The following WDR27 variants were observed in gnomAD, a reference collection of about 807,000 sequenced individuals.
WDR27 encodes the protein WD repeat-containing protein 27.
Under a neutral mutation model 114.4 loss-of-function variants are expected in WDR27, and 100 were observed. The observed-to-expected ratio is 0.87, with a 90% CI of 0.74 to 1.03. The LOEUF (loss-of-function observed/expected upper bound fraction) is 1.03, where lower values mean the gene tolerates loss of function less well. Among genes scored for constraint, WDR27 ranks in the 50% least tolerant of loss-of-function variants. WDR27 has a pLI of 0.00. For synonymous variants in WDR27, 449 were observed against 423.1 expected, an observed-to-expected ratio of 1.06 and a Z score of -0.75; for missense variants, 1,129 against 1,092.9, an observed-to-expected ratio of 1.03 and a Z score of -0.47.
rs200804305 is a variant in WDR27 at position 169,670,635 on chromosome 6, C to T, written c.390G>A (p.Gln130=). 4 of 1,614,008 alleles carry T rather than the reference C, an allele frequency of 2.5e-6. No homozygotes were observed. The highest frequency in any genetic ancestry group is 1.7e-5 in the Admixed American group (1 of 60,034). ...CAACAACATGATCATCCAGGCTCAA[C>T]TGTAAACACAGCACCTTTCCCAAAA... The part of the protein sequence containing the change: ...GSLLGKVLCL[Q]LSLDDHVVAV... Residue 130 remains glutamine, a synonymous_variant, in exon 4 of 26, where the codon CAG becomes CAA. Coordinates refer to ENST00000448612, the MANE Select transcript of WDR27 (RefSeq NM_182552.5).
intron 22 of WDR27, 119 bp from the exon 23 acceptor site, chr6:169,602,440 A>G (rs950565980): frequency 6.3e-6 from 4 of 638,576 alleles, no homozygotes; most frequent in African/African-American, 1.8e-5. Flanking sequence ...TAATGAAAGA[A>G]TATTTTATAT....
chr6:169,581,671 G>A lies in WDR27; in HGVS notation c.2523+1165C>T, dbSNP rs140241541. On this transcript the variant is annotated intron_variant, in intron 24 of 25. Transcript: ENST00000448612. ...GATGGAATTCAGCGGTGATGCTGAT[G>A]GAAGCTCTGGTCCATGACAGCACAA... is the stretch of plus-strand genomic sequence containing the variant. 2.0e-3 allele frequency among the ~76,000 whole-genome samples: 302 copies of A among 152,318 alleles called. 2 individuals are homozygous for A. The highest frequency in any genetic ancestry group is 6.9e-3 in the African/African-American group (286 of 41,578).
At chr6:169,666,685 G>A (rs1025761257) in intron 6 of WDR27, 26 of 986,552 alleles carry the variant, frequency 2.6e-5, no homozygotes, top group African/African-American at 5.2e-5. Context: ...AGGGAAGAAC[G>A]CAAGGACCCT....
At chr6:169,577,003 G>T (rs1481552759) in intron 24 of WDR27, among the ~76,000 whole-genome samples, 1 of 151,514 alleles carries the variant, frequency 6.6e-6, no homozygotes, top group East Asian at 1.9e-4. Context: ...ATCATACAGC[G>T]ATTATGTATT....
At chr6:169,607,421 CACATATAATAT>C (rs1809464644) in intron 22 of WDR27, among the ~76,000 whole-genome samples, 1 of 43,002 alleles carries the variant, frequency 2.3e-5, no homozygotes, top group African/African-American at 4.7e-5. Flanking sequence ...CACACACACA[CACATATAATAT>C]AATATTATTC....
intron 12 of WDR27, among the ~76,000 whole-genome samples, chr6:169,658,811 C>G (rs1449376360): frequency 1.3e-5 from 2 of 151,864 alleles, no homozygotes; most frequent in African/African-American, 4.8e-5. Context: ...AGCCTCCCGA[C>G]TAGCTGGGAC....
chr6:169,545,266 A>G (rs996386527), intron 25 of WDR27, among the ~76,000 whole-genome samples: 4 of 152,254 alleles, frequency 2.6e-5, no homozygotes, highest in Non-Finnish European at 4.4e-5. Context: ...TGCCCAACCA[A>G]TATTTGATAA....
chr6:169,428,928 A>C, the WDR27 span, among the ~76,000 whole-genome samples: 1 of 152,182 alleles, frequency 6.6e-6, no homozygotes, highest in African/African-American at 2.4e-5. Flanking sequence ...TGCTCTCGGC[A>C]GCCACGGTTG....
chr6:169,582,976 T>TC, intron 23 of WDR27, 42 bp from the exon 24 acceptor site: 1 of 1,580,242 alleles, frequency 6.3e-7, no homozygotes, highest in South Asian at 1.1e-5. Context: ...TAACTCAGAG[T>TC]CAGGAATCAC....
chr6:169,615,092 G>T (rs1285268386), intron 21 of WDR27, among the ~76,000 whole-genome samples: 1 of 151,790 alleles, frequency 6.6e-6, no homozygotes, highest in African/African-American at 2.4e-5. Context: ...AGAAAGCGAA[G>T]AAATAAAAAA....
At chr6:169,457,694 A>G (rs184816441) in intron 25 of WDR27, 60 bp from the exon 26 acceptor site, 9 of 1,316,058 alleles carry the variant, frequency 6.8e-6, no homozygotes, top group East Asian at 5.1e-5. Context: ...TGATAACTCT[A>G]TAAGAAAATA....
In WDR27 at chr6:169,628,062, C is replaced by A. The variant is rs902285931; in HGVS notation, c.2223+4885G>T. 2.8e-5 allele frequency among the ~76,000 whole-genome samples: 4 copies of A among 145,384 alleles called. No individual in the cohort carries two copies. In the East Asian group the frequency reaches 9.3e-4, roughly 34 times the overall value. On this transcript the variant is annotated intron_variant, in intron 21 of 25. Coordinates refer to ENST00000448612, the MANE Select transcript of WDR27 (RefSeq NM_182552.5). ...CCCCCAGAATTCATCAGTTGAAACC[C>A]CCACTGCAATGGTATTAAGAGGTGG...
the WDR27 span, among the ~76,000 whole-genome samples, chr6:169,446,148 A>C: frequency 6.6e-6 from 1 of 152,240 alleles, no homozygotes; most frequent in Non-Finnish European, 1.5e-5. Flanking sequence ...TCAGTTCAGC[A>C]CAGAGGAGCA....
chr6:169,435,345 G>C, the WDR27 span, among the ~76,000 whole-genome samples: 1 of 152,196 alleles, frequency 6.6e-6, no homozygotes, highest in Non-Finnish European at 1.5e-5. Flanking sequence ...TGTGAGAAAA[G>C]GGACCATCCT....
At chr6:169,549,433 A>C (rs1033695582) in intron 25 of WDR27, among the ~76,000 whole-genome samples, 2 of 152,236 alleles carry the variant, frequency 1.3e-5, no homozygotes, top group Admixed American at 1.3e-4. Flanking sequence ...GGGAGTGCAA[A>C]ATGGTGCAGC....
At chr6:169,486,672 A>T (rs778972891) in intron 25 of WDR27, among the ~76,000 whole-genome samples, 1 of 152,126 alleles carries the variant, frequency 6.6e-6, no homozygotes, top group African/African-American at 2.4e-5. Flanking sequence ...TCATATTTTT[A>T]GTAGAGACGG....
chr6:169,481,670 G>A (rs374806486), intron 25 of WDR27, among the ~76,000 whole-genome samples: 14 of 152,282 alleles, frequency 9.2e-5, no homozygotes, highest in African/African-American at 3.4e-4. Flanking sequence ...GCAAAGGTCT[G>A]CAGCTTCACT....
At position 169,638,050 on chromosome 6, in the gene WDR27, C is replaced by T. The variant is rs185853651; in HGVS notation, c.1869+489G>A. Among the ~76,000 whole-genome samples the T allele has an allele frequency of 5.7e-3, 458 of 79,896 alleles. 91 individuals carry two copies. In the Middle Eastern group the frequency reaches 0.063, roughly 11 times the overall value. 52.4% of individuals were successfully genotyped at this position (79,896 alleles called of 152,430 possible). A position where few individuals can be genotyped will look rare whatever the true frequency, so the allele number is the denominator to read the frequency against. On this transcript the variant is annotated intron_variant, in intron 18 of 25. Transcript: ENST00000448612. ...GAAACTAATTGGCCGGGCGCGGTGGCTCACGCCTGTAATCCCAGCACTTTG... is the reference window on the plus strand; with the variant it reads ...GAAACTAATTGGCCGGGCGCGGTGGTTCACGCCTGTAATCCCAGCACTTTG...
intron 25 of WDR27, among the ~76,000 whole-genome samples, chr6:169,515,429 G>A (rs1793514415): frequency 6.6e-6 from 1 of 152,158 alleles, no homozygotes; most frequent in Admixed American, 6.5e-5. Flanking sequence ...AGCTTTTAGG[G>A]AAATGGATAC....
Sources: gnomAD v4.1 joint callset for allele counts (sites outside exome capture counted in the v4.1 genomes callset) on GRCh38, gnomAD v4.1.1 for gene constraint, MANE v1.5 for transcripts, NCBI Gene and HGNC (gene_info 2026-07-23, HGNC 2026-07-21) for gene names.